Variants in SHROOM3 observed in about 807,000 individuals in gnomAD.
The protein encoded by SHROOM3 is protein Shroom3.
SHROOM3 carries 47 observed loss-of-function variants against 138.6 expected under a neutral mutation model. The observed-to-expected ratio is 0.34, with a 90% confidence interval of 0.27 to 0.43. SHROOM3 has a LOEUF of 0.43. Ranked by LOEUF, SHROOM3 falls within the 20% of genes least tolerant of loss-of-function variation. SHROOM3 has a pLI of 1.00. For synonymous variants in SHROOM3, 1,062 were observed against 1,063.3 expected (o/e 1.00, Z 0.02); for missense variants, 2,491 against 2,596.5 (o/e 0.96, Z 0.88).
At chr4:76,518,046 G>C (rs1732479338) in intron 1 of SHROOM3, among the ~76,000 whole-genome samples, 1 of 152,136 alleles carries the variant, frequency 6.6e-6, no homozygotes, top group South Asian at 2.1e-4. Context: ...TAAAATGAGA[G>C]ATTTATTTAA....
At chr4:76,717,972 T>C (rs919728309) in intron 3 of SHROOM3, among the ~76,000 whole-genome samples, 3 of 152,218 alleles carry the variant, frequency 2.0e-5, no homozygotes, top group African/African-American at 7.2e-5. Context: ...CCTCCAGAAT[T>C]ATGCTAAATG....
Position 76,576,120 on chromosome 4 carries a change from C to T in SHROOM3, c.323+20357C>T, listed in dbSNP as rs563784667. Among the ~76,000 whole-genome samples the T allele has an allele frequency of 3.3e-5, 5 of 152,210 alleles. No individual in the cohort carries two copies. The South Asian group carries it at 1.0e-3, about 32-fold the overall frequency. ...CTCAAAAACCTAAAAAGAAAGCTACCATACGATCCAGCAATCCCACTATGG... is the reference window on the plus strand; with the variant it reads ...CTCAAAAACCTAAAAAGAAAGCTACTATACGATCCAGCAATCCCACTATGG... On this transcript the variant is annotated intron_variant, in intron 2 of 10. Transcript: ENST00000296043.
chr4:76,766,478 C>T (rs1722159136), intron 9 of SHROOM3, among the ~76,000 whole-genome samples: 1 of 152,160 alleles, frequency 6.6e-6, no homozygotes, highest in Non-Finnish European at 1.5e-5. Flanking sequence ...GGGGGAAGAA[C>T]TCGTATAAAT....
intron 1 of SHROOM3, among the ~76,000 whole-genome samples, chr4:76,495,863 T>C (rs1361460004): frequency 6.6e-6 from 1 of 152,072 alleles, no homozygotes; most frequent in Admixed American, 6.6e-5. Flanking sequence ...CAGCCTGGGG[T>C]ATAAAAACAC....
At chr4:76,541,777 G>C (rs1189104373) in intron 1 of SHROOM3, among the ~76,000 whole-genome samples, 1 of 152,142 alleles carries the variant, frequency 6.6e-6, no homozygotes, top group African/African-American at 2.4e-5. Context: ...TAAGATCTGA[G>C]AGCCCAGTGC....
chr4:76,442,404 G>GTTTTTT (rs59712445), intron 1 of SHROOM3, among the ~76,000 whole-genome samples: 1 of 112,354 alleles, frequency 8.9e-6, no homozygotes, highest in African/African-American at 3.3e-5. Context: ...GCCCTTTATA[G>GTTTTTT]TTTTTTTTTT....
chr4:76,641,015 T>G (rs2110080856), intron 2 of SHROOM3, among the ~76,000 whole-genome samples: 1 of 152,302 alleles, frequency 6.6e-6, no homozygotes, highest in South Asian at 2.1e-4. Context: ...ATGTAGGGAA[T>G]ATGCTGGAAT....
intron 1 of SHROOM3, among the ~76,000 whole-genome samples, chr4:76,533,790 G>T (rs190937089): frequency 4.0e-4 from 61 of 152,266 alleles, no homozygotes; most frequent in African/African-American, 1.2e-3. Context: ...AAAGGAGTTT[G>T]CTGGGAAGCT....
intron 1 of SHROOM3, among the ~76,000 whole-genome samples, chr4:76,543,258 G>C (rs17002077): frequency 0.027 from 4,099 of 152,218 alleles, 199 homozygotes; most frequent in African/African-American, 0.092. Flanking sequence ...GGGCTCCCTA[G>C]GGAAGGTGAT....
At chr4:76,574,056 T>G (rs1350416874) in intron 2 of SHROOM3, among the ~76,000 whole-genome samples, 1 of 152,096 alleles carries the variant, frequency 6.6e-6, no homozygotes, top group Non-Finnish European at 1.5e-5. Context: ...TCACACACTT[T>G]CCCTCTCCTC....
chr4:76,760,041 G>T (rs1482653506), intron 9 of SHROOM3, among the ~76,000 whole-genome samples: 3 of 152,206 alleles, frequency 2.0e-5, no homozygotes, highest in African/African-American at 4.8e-5. Context: ...CTCAGCTGCT[G>T]GTTGGCCAGT....
intron 2 of SHROOM3, among the ~76,000 whole-genome samples, chr4:76,655,528 T>G (rs1736046446): frequency 6.6e-6 from 1 of 152,134 alleles, no homozygotes; most frequent in Admixed American, 6.5e-5. Flanking sequence ...AAGTGGAAAG[T>G]TATGGATATT....
At chr4:76,608,127 C>T (rs988185178) in intron 2 of SHROOM3, among the ~76,000 whole-genome samples, 1 of 152,176 alleles carries the variant, frequency 6.6e-6, no homozygotes, top group Non-Finnish European at 1.5e-5. Context: ...CTCATATGGG[C>T]TGGTTGTGGA....
intron 2 of SHROOM3, among the ~76,000 whole-genome samples, chr4:76,680,432 C>A (rs932444055): frequency 6.6e-6 from 1 of 152,208 alleles, no homozygotes; most frequent in African/African-American, 2.4e-5. Flanking sequence ...AGCCACTGTA[C>A]CTGGCCCGAC....
chr4:76,767,197 T>C (rs1169218500), intron 9 of SHROOM3, among the ~76,000 whole-genome samples: 1 of 152,180 alleles, frequency 6.6e-6, no homozygotes. Context: ...CATGCTCACC[T>C]CAGGGCCACC....
chr4:76,607,813 A>G (rs1262309042), intron 2 of SHROOM3, among the ~76,000 whole-genome samples: 1 of 152,184 alleles, frequency 6.6e-6, no homozygotes, highest in Non-Finnish European at 1.5e-5. Flanking sequence ...CATAGTTACC[A>G]CTAGCCCCTG....
chr4:76,693,254 T>C (rs928155040), intron 2 of SHROOM3, among the ~76,000 whole-genome samples: 3 of 152,114 alleles, frequency 2.0e-5, no homozygotes, highest in Non-Finnish European at 4.4e-5. Context: ...ATTTTGGAGT[T>C]GATGAAAAAG....
chr4:76,778,253 C>A (rs1371107077), intron 10 of SHROOM3, among the ~76,000 whole-genome samples: 2 of 149,002 alleles, frequency 1.3e-5, no homozygotes, highest in Non-Finnish European at 3.0e-5. Flanking sequence ...ACAAGAGTCT[C>A]ACTCTGTCAT....
intron 6 of SHROOM3, among the ~76,000 whole-genome samples, chr4:76,751,954 A>C (rs191240449): frequency 1.3e-5 from 2 of 152,374 alleles, no homozygotes; most frequent in East Asian, 3.9e-4. Flanking sequence ...ATGCCACTTC[A>C]GAGTATGTGT....
Sources: allele counts gnomAD v4.1 joint callset (sites outside exome capture counted in the v4.1 genomes callset), GRCh38; gene constraint gnomAD v4.1.1; transcripts MANE v1.5; gene names NCBI Gene and HGNC (gene_info 2026-07-23, HGNC 2026-07-21).